Variants in CTSC observed in about 807,000 individuals in gnomAD.
The protein encoded by CTSC is cathepsin C.
In CTSC, 37 loss-of-function variants were observed where a neutral mutation model predicts 40.9. The observed-to-expected ratio is 0.91, with a 90% CI of 0.70 to 1.19. The LOEUF is 1.19. Among genes scored for constraint, CTSC ranks in the 50% most tolerant of loss-of-function variants. CTSC has a pLI of 0.00. For missense variants in CTSC, 594 were observed against 567.3 expected (o/e 1.05, Z -0.48); for synonymous variants, 232 against 207.4 (o/e 1.12, Z -1.02).
chr11:88,310,755 T>C (rs577605399), intron 3 of CTSC, among the ~76,000 whole-genome samples: 2 of 152,262 alleles, frequency 1.3e-5, no homozygotes, highest in African/African-American at 2.4e-5. Flanking sequence ...ACTAACACAA[T>C]AACAAAAACA....
Position 88,337,501 on chromosome 11 carries a change from C to T in CTSC, c.172G>A (p.Gly58Arg). 6.4e-7 allele frequency: 1 copy of T among 1,570,982 alleles called. No individual in the cohort carries two copies. The highest frequency in any genetic ancestry group is 1.8e-5 in the Admixed American group (1 of 54,434). The change falls in exon 1 of 7, where the codon GGA (glycine) becomes AGA (arginine). Residue 58 changes from glycine (G) to arginine (R), a missense_variant and splice_region_variant. By Grantham distance (125) the Gly-to-Arg change is moderately radical (BLOSUM62 -2). Coordinates refer to ENST00000227266, the MANE Select transcript of CTSC (RefSeq NM_001814.6). ...SQRDVNCSVM[G>R]PQEKKVVVYL... Reference sequence around the variant, plus strand: ...GAGGACTGCCGAGCCGGCGGCTTACCCATAACCGAGCAGTTGACATCGCGC... The same window carrying T: ...GAGGACTGCCGAGCCGGCGGCTTACTCATAACCGAGCAGTTGACATCGCGC...
At chr11:88,296,061 T>C in intron 6 of CTSC, 72 bp downstream of exon 6, 1 of 1,527,880 alleles carries the variant, frequency 6.5e-7, no homozygotes. Context: ...ATCATCCTTT[T>C]GCCTTTGCCA....
At chr11:88,307,613 A>AT (rs888386521) in intron 4 of CTSC, among the ~76,000 whole-genome samples, 44 of 103,916 alleles carry the variant, frequency 4.2e-4, no homozygotes, top group Middle Eastern at 7.1e-3. Flanking sequence ...GGATTTTGAG[A>AT]TTTTTTTTTA....
At chr11:88,325,692 G>A in intron 2 of CTSC, 2 of 984,968 alleles carry the variant, frequency 2.0e-6, no homozygotes, top group Non-Finnish European at 1.2e-6. Context: ...TGTACCTAAT[G>A]AAAAAAGAAA....
intron 2 of CTSC, chr11:88,325,752 G>GGA: frequency 1.0e-6 from 1 of 985,298 alleles, no homozygotes; most frequent in South Asian, 4.7e-5. Flanking sequence ...CAGAGGTACT[G>GGA]GAGGTCTATA....
At chr11:88,324,505 A>C in intron 2 of CTSC, 2 of 982,870 alleles carry the variant, frequency 2.0e-6, no homozygotes, top group Non-Finnish European at 2.4e-6. Context: ...AATCCTACAA[A>C]ATTAATTCTT....
intron 4 of CTSC, among the ~76,000 whole-genome samples, chr11:88,301,758 A>G (rs1467799706): frequency 1.3e-5 from 2 of 151,852 alleles, no homozygotes; most frequent in Non-Finnish European, 2.9e-5. Flanking sequence ...GCTTCTCTGT[A>G]TTAGCGATTT....
chr11:88,318,024 TA>T (rs1937917746), intron 2 of CTSC, among the ~76,000 whole-genome samples: 1 of 152,216 alleles, frequency 6.6e-6, no homozygotes, highest in Admixed American at 6.5e-5. Context: ...TACCTAGTCA[TA>T]GGGAAATTTT....
At chr11:88,303,756 T>C (rs1373056565) in intron 4 of CTSC, among the ~76,000 whole-genome samples, 1 of 152,228 alleles carries the variant, frequency 6.6e-6, no homozygotes, top group Admixed American at 6.5e-5. Context: ...CAGCAAGGCC[T>C]GTCCAGATTC....
rs104894211 is a variant in CTSC, at chr11:88,294,358, T to C, written c.1040A>G (p.Tyr347Cys). 2.5e-6 allele frequency: 4 copies of C among 1,614,112 alleles called. No homozygotes were observed. Among genetic ancestry groups the C allele is most frequent in the South Asian group, 1.1e-5 (1 of 91,082 alleles). Residue 347 changes from tyrosine (Y) to cysteine (C), a missense_variant, in exon 7 of 7, where the codon TAT becomes TGT. Transcript: ENST00000227266. ...CFRYYSSEYH[Y>C]VGGFYGGCNE... The stretch of plus-strand genomic sequence containing the variant: ...GCAGCCTCCATAGAAACCTCCTACA[T>C]AGTGGTACTCAGAGGAGTAATAACG...
Position 88,309,161 on chromosome 11 carries a change from A to G in CTSC, c.641+2T>C. ...TTAATGATAAAATGTGTGCTTGATT[A>G]CCTTGGGATTTTTCGACTGTGGCCA... On this transcript the variant is annotated splice_donor_variant, in intron 4 of 6. Coordinates refer to ENST00000227266, the MANE Select transcript of CTSC (RefSeq NM_001814.6). LOFTEE classifies it high-confidence loss of function. 1 of 1,613,452 alleles carries G rather than the reference A, an allele frequency of 6.2e-7. No individual in the cohort carries two copies. Among genetic ancestry groups the G allele is most frequent in the Non-Finnish European group, 8.5e-7 (1 of 1,179,490 alleles).
chr11:88,295,206 G>C (rs751156466), intron 6 of CTSC, among the ~76,000 whole-genome samples: 1 of 152,100 alleles, frequency 6.6e-6, no homozygotes, highest in Non-Finnish European at 1.5e-5. Flanking sequence ...AAGAATGAAA[G>C]GCTCACTGGC....
At chr11:88,329,238 T>C (rs1938273508) in intron 2 of CTSC, among the ~76,000 whole-genome samples, 1 of 151,998 alleles carries the variant, frequency 6.6e-6, no homozygotes. Context: ...TCCCAGCACT[T>C]GGGGAGGTCC....
At chr11:88,318,147 T>C (rs1937920238) in intron 2 of CTSC, among the ~76,000 whole-genome samples, 1 of 152,200 alleles carries the variant, frequency 6.6e-6, no homozygotes, top group Non-Finnish European at 1.5e-5. Context: ...GTTCTACTGT[T>C]TTCTTGATTA....
intron 4 of CTSC, among the ~76,000 whole-genome samples, chr11:88,303,631 A>G (rs1937605158): frequency 6.6e-6 from 1 of 152,222 alleles, no homozygotes; most frequent in Admixed American, 6.5e-5. Flanking sequence ...TTGTTCAGCT[A>G]TCTGGAAGCT....
rs1049019454 is a variant in CTSC at position 88,325,155 on chromosome 11, A to G, written c.318+9782T>C. 1.1e-5 allele frequency: 11 copies of G among 984,748 alleles called. No homozygotes were observed. In the African/African-American group the frequency reaches 1.9e-4, roughly 17 times the overall value. The allele number at this position is 984,748 out of a possible 1,614,324, so 61.0% of individuals were successfully genotyped here. ...TTATTCGGCAGGAAAGAGCTAGAAG[A>G]TAGCAATCAGTTGAACAATACTGTA... is the stretch of plus-strand genomic sequence containing the variant. On this transcript the variant is annotated intron_variant, in intron 2 of 6. Coordinates refer to ENST00000227266, the MANE Select transcript of CTSC (RefSeq NM_001814.6).
In CTSC at chr11:88,296,114, T is replaced by C. The variant is rs1230823465; in HGVS notation, c.889+19A>G. The C allele has an allele frequency of 6.2e-7, 1 of 1,613,246 alleles. No individual in the cohort carries two copies. Among genetic ancestry groups the C allele is most frequent in the East Asian group, 2.2e-5 (1 of 44,852 alleles). The stretch of plus-strand genomic sequence containing the variant: ...ACAGGTAAATAGCTCATAAATGGTG[T>C]CTGAAATGCAACACTTACCTTGAGC... On this transcript the variant is annotated intron_variant, in intron 6 of 6. Coordinates refer to ENST00000227266, the MANE Select transcript of CTSC (RefSeq NM_001814.6).
chr11:88,317,175 C>T (rs1334008091), intron 2 of CTSC, among the ~76,000 whole-genome samples: 1 of 152,170 alleles, frequency 6.6e-6, no homozygotes, highest in African/African-American at 2.4e-5. Context: ...CCATGTTGGC[C>T]AGGCTGGTCT....
intron 2 of CTSC, chr11:88,324,756 TAGAG>T (rs768413932): frequency 1.8e-5 from 18 of 985,140 alleles, no homozygotes; most frequent in Middle Eastern, 1.0e-3. Context: ...CTCACGGTAA[TAGAG>T]AGAGCTGGGG....
Sources: gnomAD v4.1 joint callset for allele counts (sites outside exome capture counted in the v4.1 genomes callset) on GRCh38, gnomAD v4.1.1 for gene constraint, MANE v1.5 for transcripts, NCBI Gene and HGNC (gene_info 2026-07-23, HGNC 2026-07-21) for gene names.